FRS2: variants seen among roughly 807,000 people sequenced by gnomAD.
The protein encoded by FRS2 is FGFR signalling adaptor.
FRS2 carries 8 observed loss-of-function variants against 43.9 expected under a neutral mutation model. The observed-to-expected ratio is 0.18, with a 90% CI of 0.11 to 0.33. The LOEUF is 0.33. Ranked by LOEUF, FRS2 falls within the 10% of genes least tolerant of loss-of-function variation. The probability of loss-of-function intolerance (pLI) is 1.00; values close to 1 mark genes in which losing one functional copy is unlikely to be tolerated. For synonymous variants in FRS2, 219 were observed against 220.3 expected, an observed-to-expected ratio of 0.99 and a Z score of 0.05; for missense variants, 534 against 627.6, an observed-to-expected ratio of 0.85 and a Z score of 1.59.
intron 3 of FRS2, among the ~76,000 whole-genome samples, chr12:69,547,964 T>TAATA (rs1878561455): frequency 6.7e-6 from 1 of 149,746 alleles, no homozygotes; most frequent in African/African-American, 2.4e-5. Context: ...CTCAGCCTCC[T>TAATA]AATAAATAAG....
intron 3 of FRS2, 39 bp from the exon 4 acceptor site, chr12:69,562,141 A>G: frequency 2.5e-6 from 1 of 397,390 alleles, no homozygotes; most frequent in East Asian, 3.6e-5. Context: ...ATTATTCTTT[A>G]GAAATGAGAA....
intron 1 of FRS2, among the ~76,000 whole-genome samples, chr12:69,519,045 T>C (rs1875356734): frequency 6.6e-6 from 1 of 152,122 alleles, no homozygotes; most frequent in African/African-American, 2.4e-5. Context: ...GACTTCTATT[T>C]TTGAAGTTAT....
intron 1 of FRS2, among the ~76,000 whole-genome samples, chr12:69,475,844 AAGG>A: frequency 6.6e-6 from 1 of 152,286 alleles, no homozygotes; most frequent in South Asian, 2.1e-4. Context: ...CTTTGAGTGA[AAGG>A]AGAATGTAGT....
intron 1 of FRS2, chr12:69,491,468 C>CATTAAGTT (rs1872479671): frequency 6.8e-6 from 1 of 147,206 alleles, no homozygotes; most frequent in South Asian, 2.2e-4. Flanking sequence ...TTTTGGTGGA[C>CATTAAGTT]ATTAAGTTTG....
At chr12:69,520,848 A>T (rs60970052) in intron 1 of FRS2, among the ~76,000 whole-genome samples, 1 of 152,100 alleles carries the variant, frequency 6.6e-6, no homozygotes, top group Non-Finnish European at 1.5e-5. Flanking sequence ...GTCAGGTAGC[A>T]TGATGGCTCC....
intron 1 of FRS2, among the ~76,000 whole-genome samples, chr12:69,500,371 G>A (rs1873334995): frequency 6.6e-6 from 1 of 152,174 alleles, no homozygotes; most frequent in Non-Finnish European, 1.5e-5. Context: ...CCTAAAGTGG[G>A]GAGCATCAAG....
chr12:69,540,232 G>A (rs763140947), intron 3 of FRS2, among the ~76,000 whole-genome samples: 5 of 150,982 alleles, frequency 3.3e-5, no homozygotes, highest in African/African-American at 4.9e-5. Flanking sequence ...CAGCCTGGAC[G>A]ACAAAGCGAG....
At chr12:69,482,604 C>T (rs2120763960) in intron 1 of FRS2, among the ~76,000 whole-genome samples, 1 of 152,280 alleles carries the variant, frequency 6.6e-6, no homozygotes, top group Non-Finnish European at 1.5e-5. Context: ...TGTCATGGAG[C>T]ACAGTCCAGA....
intron 1 of FRS2, among the ~76,000 whole-genome samples, chr12:69,526,138 T>C (rs1876205850): frequency 6.6e-6 from 1 of 152,188 alleles, no homozygotes; most frequent in Admixed American, 6.5e-5. Context: ...ATTACAGGTG[T>C]GAGCCATGGT....
intron 6 of FRS2, among the ~76,000 whole-genome samples, chr12:69,570,783 A>AT (rs1052672516): frequency 3.3e-5 from 5 of 152,152 alleles, no homozygotes; most frequent in Non-Finnish European, 7.4e-5. Flanking sequence ...TTTATCATTG[A>AT]TTTTTTTACT....
At chr12:69,511,424 A>C (rs1874444364) in intron 1 of FRS2, among the ~76,000 whole-genome samples, 1 of 152,346 alleles carries the variant, frequency 6.6e-6, no homozygotes, top group African/African-American at 2.4e-5. Context: ...TCCATTGATA[A>C]TGTTTTATAA....
intron 1 of FRS2, among the ~76,000 whole-genome samples, chr12:69,475,772 T>C (rs895343833): frequency 6.6e-6 from 1 of 152,208 alleles, no homozygotes; most frequent in African/African-American, 2.4e-5. Context: ...AGCTAGCCAC[T>C]TAAGCTTGTG....
At position 69,568,635 on chromosome 12, in the gene FRS2, C is replaced by T. The variant is rs577107732; in HGVS notation, c.-26-370C>T. 1.0e-3 allele frequency among the ~76,000 whole-genome samples: 159 copies of T among 151,994 alleles called. No individual in the cohort carries two copies. The Middle Eastern group carries it at 0.024, about 23-fold the overall frequency. ...TCTCTTTAAAGAAGGACATGAAATT[C>T]CTGATAAGCCACAAAGGGTTAATTT... On this transcript the variant is annotated intron_variant, in intron 4 of 8. Transcript: ENST00000549921.
chr12:69,567,220 A>AG (rs1234173506), intron 4 of FRS2, among the ~76,000 whole-genome samples: 2 of 152,210 alleles, frequency 1.3e-5, no homozygotes, highest in Admixed American at 6.5e-5. Flanking sequence ...TCAAAGACAA[A>AG]GATGGTGACT....
intron 1 of FRS2, among the ~76,000 whole-genome samples, chr12:69,529,138 G>C (rs965537779): frequency 6.6e-6 from 1 of 152,168 alleles, no homozygotes; most frequent in Non-Finnish European, 1.5e-5. Context: ...TTTGAAAATG[G>C]CTAATCTCAC....
At chr12:69,551,094 C>T (rs998752733) in intron 3 of FRS2, among the ~76,000 whole-genome samples, 3 of 152,072 alleles carry the variant, frequency 2.0e-5, no homozygotes, top group African/African-American at 7.2e-5. Flanking sequence ...AAGTTGCTTT[C>T]AAATCCCAGC....
intron 3 of FRS2, among the ~76,000 whole-genome samples, chr12:69,540,410 C>A (rs1459395921): frequency 6.8e-6 from 1 of 147,932 alleles, no homozygotes. Flanking sequence ...ATAGGAGTCA[C>A]CTAAAAGAGC....
chr12:69,536,584 T>C (rs1288733740), intron 3 of FRS2, among the ~76,000 whole-genome samples: 1 of 151,526 alleles, frequency 6.6e-6, no homozygotes, highest in Non-Finnish European at 1.5e-5. Flanking sequence ...TTTTAATTTT[T>C]TTTTTTCTTT....
At chr12:69,516,697 C>G (rs961346488) in intron 1 of FRS2, among the ~76,000 whole-genome samples, 2 of 152,094 alleles carry the variant, frequency 1.3e-5, no homozygotes, top group Admixed American at 1.3e-4. Context: ...GTCCTTATCT[C>G]CATCTGATCT....
Sources: allele counts gnomAD v4.1 joint callset (sites outside exome capture counted in the v4.1 genomes callset), GRCh38; gene constraint gnomAD v4.1.1; transcripts MANE v1.5; gene names NCBI Gene and HGNC (gene_info 2026-07-23, HGNC 2026-07-21).